TOX2: variants seen among roughly 807,000 people sequenced by gnomAD.
The protein encoded by TOX2 is TOX high mobility group box family member 2, also known as granulosa cell HMG box 1.
A neutral mutation model predicts 47.4 loss-of-function variants in TOX2; 15 were observed. That is an observed-to-expected ratio of 0.32 (90% CI 0.21 to 0.49). The LOEUF (loss-of-function observed/expected upper bound fraction) is 0.49. Among genes scored for constraint, TOX2 ranks in the 20% least tolerant of loss-of-function variants. The pLI is 0.99. For synonymous variants in TOX2, 290 were observed against 296.6 expected (o/e 0.98, Z 0.23); for missense variants, 622 against 673.1 (o/e 0.92, Z 0.84).
intron 1 of TOX2, among the ~76,000 whole-genome samples, chr20:43,952,109 G>T (rs547838896): frequency 2.7e-4 from 41 of 151,964 alleles, no homozygotes; most frequent in Non-Finnish European, 5.0e-4. Flanking sequence ...CACCATGTTA[G>T]CCAGGATGGT....
At chr20:44,048,148 G>A (rs969539985) in intron 3 of TOX2, among the ~76,000 whole-genome samples, 2 of 151,986 alleles carry the variant, frequency 1.3e-5, no homozygotes, top group Non-Finnish European at 2.9e-5. Flanking sequence ...GAACCCTGGA[G>A]GTGGAGGCAG....
intron 1 of TOX2, among the ~76,000 whole-genome samples, chr20:43,939,629 G>T (rs369785260): frequency 6.6e-6 from 1 of 152,172 alleles, no homozygotes; most frequent in East Asian, 1.9e-4. Context: ...ATAAGCGAGG[G>T]TTCATTTGGT....
chr20:43,947,712 C>G (rs183964120), intron 1 of TOX2, among the ~76,000 whole-genome samples: 2 of 152,180 alleles, frequency 1.3e-5, no homozygotes, highest in Non-Finnish European at 2.9e-5. Context: ...GAGAACCAAC[C>G]GATCCTTTTA....
intron 1 of TOX2, among the ~76,000 whole-genome samples, chr20:43,971,597 A>G (rs927148624): frequency 1.3e-5 from 2 of 152,264 alleles, no homozygotes; most frequent in African/African-American, 4.8e-5. Flanking sequence ...AATTACACAA[A>G]TGAATCCTAC....
intron 1 of TOX2, among the ~76,000 whole-genome samples, chr20:43,920,699 T>C (rs1340141614): frequency 6.6e-6 from 1 of 152,172 alleles, no homozygotes; most frequent in Non-Finnish European, 1.5e-5. Flanking sequence ...CTTGAGCCTG[T>C]CAGCACCCTT....
intron 3 of TOX2, among the ~76,000 whole-genome samples, chr20:44,024,801 C>T (rs1277002288): frequency 6.7e-6 from 1 of 148,308 alleles, no homozygotes; most frequent in Non-Finnish European, 1.5e-5. Context: ...ATAATATATA[C>T]AATATACAAA....
intron 3 of TOX2, among the ~76,000 whole-genome samples, chr20:44,026,479 A>T (rs182004129): frequency 1.3e-5 from 2 of 151,586 alleles, no homozygotes; most frequent in East Asian, 3.9e-4. Flanking sequence ...GGGTGGGAAG[A>T]GGGGGAAAAA....
rs562021117 is a variant in TOX2 at position 44,068,876 on chromosome 20, A to G, written c.*190A>G. On this transcript the variant is annotated 3_prime_UTR_variant, in exon 9 of 9. Transcript: ENST00000341197. ...ACTCTGCAGAGGCAGCCCACTGCCC[A>G]CCACCAGCCCAAAGAACCTGCAGGA... is the stretch of plus-strand genomic sequence containing the variant. The G allele has an allele frequency of 1.9e-4, 151 of 794,630 alleles. 1 individual carries two copies. The highest frequency in any genetic ancestry group is 1.6e-3 in the South Asian group (108 of 68,388). The allele number at this position is 794,630 out of a possible 1,614,324, so 49.2% of individuals were successfully genotyped here. A position where few individuals can be genotyped will look rare whatever the true frequency, so the allele number is the denominator to read the frequency against.
intron 1 of TOX2, among the ~76,000 whole-genome samples, chr20:43,956,887 T>C (rs1286836234): frequency 1.3e-5 from 2 of 152,236 alleles, no homozygotes; most frequent in East Asian, 3.8e-4. Flanking sequence ...TGTGTGACTT[T>C]TGTTTGAATC....
intron 3 of TOX2, among the ~76,000 whole-genome samples, chr20:44,036,289 A>AGTAG (rs1208575098): frequency 2.0e-5 from 3 of 152,206 alleles, no homozygotes; most frequent in Non-Finnish European, 4.4e-5. Flanking sequence ...GAGCACACTG[A>AGTAG]GTAGGTGTTC....
chr20:44,022,219 T>G (rs2070987567), intron 3 of TOX2, among the ~76,000 whole-genome samples: 1 of 152,204 alleles, frequency 6.6e-6, no homozygotes, highest in Non-Finnish European at 1.5e-5. Flanking sequence ...TTAATGTCAC[T>G]GGCCTTGGAC....
intron 3 of TOX2, among the ~76,000 whole-genome samples, chr20:44,032,780 T>G (rs1423465170): frequency 6.6e-6 from 1 of 152,180 alleles, no homozygotes; most frequent in Non-Finnish European, 1.5e-5. Flanking sequence ...CCCAGGGGCT[T>G]GGTGACCCGT....
At chr20:44,059,659 C>T (rs760488495) in intron 5 of TOX2, among the ~76,000 whole-genome samples, 41 of 152,126 alleles carry the variant, frequency 2.7e-4, no homozygotes, top group Non-Finnish European at 4.6e-4. Flanking sequence ...ATTTTGTATC[C>T]AGCAAAACTA....
chr20:44,016,927 A>G (rs2070889719), intron 3 of TOX2, among the ~76,000 whole-genome samples: 2 of 152,256 alleles, frequency 1.3e-5, no homozygotes, highest in Admixed American at 6.5e-5. Context: ...AAAAGGCAAG[A>G]TTAACACAGA....
intron 1 of TOX2, among the ~76,000 whole-genome samples, chr20:43,923,775 G>A (rs996252855): frequency 4.6e-5 from 7 of 152,190 alleles, no homozygotes; most frequent in Admixed American, 3.3e-4. Context: ...CTCGTGGAAG[G>A]TTTATGTGGG....
At chr20:44,002,286 C>T (rs1271829496) in intron 2 of TOX2, among the ~76,000 whole-genome samples, 1 of 152,202 alleles carries the variant, frequency 6.6e-6, no homozygotes, top group Non-Finnish European at 1.5e-5. Flanking sequence ...ACCATTTTGA[C>T]TCTACTTACC....
At chr20:44,053,441 C>CACACAA (rs1270728470) in intron 4 of TOX2, among the ~76,000 whole-genome samples, 3 of 32,826 alleles carry the variant, frequency 9.1e-5, no homozygotes, top group African/African-American at 1.9e-4. Context: ...CAGATATATA[C>CACACAA]ACACACACAC....
chr20:43,995,874 G>A (rs1310266913), intron 2 of TOX2, among the ~76,000 whole-genome samples: 2 of 152,088 alleles, frequency 1.3e-5, no homozygotes, highest in African/African-American at 4.8e-5. Flanking sequence ...AGTATTCCAT[G>A]GTGTATATGT....
chr20:44,059,125 A>G (rs1022495601), intron 5 of TOX2, among the ~76,000 whole-genome samples: 1 of 152,212 alleles, frequency 6.6e-6, no homozygotes, highest in African/African-American at 2.4e-5. Context: ...AAATAAAAAG[A>G]ATTATACAGC....
Sources: allele counts gnomAD v4.1 joint callset (sites outside exome capture counted in the v4.1 genomes callset), GRCh38; gene constraint gnomAD v4.1.1; transcripts MANE v1.5; gene names NCBI Gene and HGNC (gene_info 2026-07-23, HGNC 2026-07-21).